COL25A1: variants seen among roughly 807,000 people sequenced by gnomAD.
COL25A1 encodes collagen type XXV alpha 1 chain.
In COL25A1, 103 loss-of-function variants were observed where a neutral mutation model predicts 128.4. That is an observed-to-expected ratio of 0.80 (90% CI 0.68 to 0.94). COL25A1 has a LOEUF of 0.94. Ranked by LOEUF, COL25A1 falls within the 40% of genes least tolerant of loss-of-function variation. The pLI is 0.00. For missense variants in COL25A1, 745 were observed against 840.0 expected (o/e 0.89, Z 1.40); for synonymous variants, 279 against 277.2 (o/e 1.01, Z -0.06).
intron 3 of COL25A1, among the ~76,000 whole-genome samples, chr4:109,246,739 T>A (rs532183487): frequency 2.0e-5 from 3 of 152,176 alleles, no homozygotes; most frequent in Non-Finnish European, 4.4e-5. Flanking sequence ...TGTGTTAAAC[T>A]TCTTCATTAA....
chr4:109,292,610 T>A (rs6811192), intron 3 of COL25A1, among the ~76,000 whole-genome samples: 117 of 151,888 alleles, frequency 7.7e-4, no homozygotes, highest in African/African-American at 2.8e-3. Flanking sequence ...AGACCGCTTA[T>A]CTGGGAAGAG....
At position 109,301,843 on chromosome 4, in the gene COL25A1, G is replaced by C; in HGVS notation, c.177C>G (p.Leu59=). 1 of 1,614,244 alleles carries C rather than the reference G, an allele frequency of 6.2e-7. No homozygotes were observed. The highest frequency in any genetic ancestry group is 8.5e-7 in the Non-Finnish European group (1 of 1,180,050). ...CLYLGVKTND[L]QARIAALESA... ...ATTCGAGAGCGGCGATCCTCGCCTG[G>C]AGGTCGTTGGTTTTCACACCCAGGT... is the stretch of plus-strand genomic sequence containing the variant. The change falls in exon 2 of 38, where the codon CTC becomes CTG. Residue 59 remains leucine, a synonymous_variant. Coordinates refer to ENST00000399132, the MANE Select transcript of COL25A1 (RefSeq NM_198721.4).
chr4:108,920,548 A>G (rs756310689), intron 12 of COL25A1, 30 bp downstream of exon 12: 3 of 1,573,416 alleles, frequency 1.9e-6, no homozygotes, highest in African/African-American at 2.7e-5. Context: ...GAGCATAATT[A>G]CTTTCACAAT....
intron 19 of COL25A1, among the ~76,000 whole-genome samples, chr4:108,872,153 G>GA (rs1403591957): frequency 6.6e-6 from 1 of 152,132 alleles, no homozygotes; most frequent in African/African-American, 2.4e-5. Flanking sequence ...GGTGGCTCAT[G>GA]TTTTGTAATC....
chr4:109,289,449 A>T (rs1174071826), intron 3 of COL25A1, among the ~76,000 whole-genome samples: 1 of 152,156 alleles, frequency 6.6e-6, no homozygotes, highest in Non-Finnish European at 1.5e-5. Context: ...TTTATATTTT[A>T]ACAGTAATTT....
At chr4:108,856,015 C>T (rs1308740900) in intron 24 of COL25A1, among the ~76,000 whole-genome samples, 3 of 152,144 alleles carry the variant, frequency 2.0e-5, no homozygotes, top group Admixed American at 6.6e-5. Flanking sequence ...TCTAGTGAGA[C>T]GCGACGTGAA....
At chr4:108,835,785 T>C (rs1374066426) in intron 31 of COL25A1, among the ~76,000 whole-genome samples, 1 of 149,708 alleles carries the variant, frequency 6.7e-6, no homozygotes, top group Non-Finnish European at 1.5e-5. Context: ...ACTCCTGATC[T>C]CCACTGATCA....
chr4:109,293,368 A>T lies in COL25A1; in HGVS notation c.367+7215T>A, dbSNP rs185532316. 6.4e-4 allele frequency among the ~76,000 whole-genome samples: 97 copies of T among 151,938 alleles called. 1 individual carries two copies. The highest frequency in any genetic ancestry group is 2.1e-3 in the African/African-American group (86 of 41,430). On this transcript the variant is annotated intron_variant, in intron 3 of 37. Transcript: ENST00000399132. ...AGGGGGCTTTTTCCTCCCCTCTTTTACTCTCCTTACACGTGAACTCTTTGG... is the reference window on the plus strand; with the variant it reads ...AGGGGGCTTTTTCCTCCCCTCTTTTTCTCTCCTTACACGTGAACTCTTTGG...
intron 11 of COL25A1, among the ~76,000 whole-genome samples, chr4:108,928,475 C>G (rs995378130): frequency 4.6e-5 from 7 of 152,060 alleles, no homozygotes; most frequent in African/African-American, 1.7e-4. Flanking sequence ...GTGGCCAGTA[C>G]AATATTTAGA....
At chr4:108,881,846 C>T (rs531268060) in intron 19 of COL25A1, among the ~76,000 whole-genome samples, 3 of 152,174 alleles carry the variant, frequency 2.0e-5, no homozygotes, top group African/African-American at 7.2e-5. Context: ...TTAGAGAAGA[C>T]AAAGCTTATT....
chr4:109,268,533 C>A (rs1446751094), intron 3 of COL25A1, among the ~76,000 whole-genome samples: 2 of 152,102 alleles, frequency 1.3e-5, no homozygotes, highest in East Asian at 3.9e-4. Context: ...CCTTTCTGTT[C>A]CTGTACAATG....
intron 3 of COL25A1, among the ~76,000 whole-genome samples, chr4:109,196,838 T>C (rs1471962071): frequency 6.6e-6 from 1 of 152,174 alleles, no homozygotes; most frequent in Non-Finnish European, 1.5e-5. Flanking sequence ...TACTGAAAGG[T>C]ATCAGAATTA....
In COL25A1 at chr4:108,896,829, C is replaced by T. The variant is rs192918240; in HGVS notation, c.862-118G>A. 5.4e-4 allele frequency: 446 copies of T among 830,102 alleles called. No individual in the cohort carries two copies. The African/African-American group carries it at 6.0e-3, about 11-fold the overall frequency. 51.4% of individuals were successfully genotyped at this position (830,102 alleles called of 1,614,324 possible). On this transcript the variant is annotated intron_variant, in intron 15 of 37. Coordinates refer to ENST00000399132, the MANE Select transcript of COL25A1 (RefSeq NM_198721.4). The stretch of plus-strand genomic sequence containing the variant: ...TACATATTAAAATCTGTTGCAAATG[C>T]TCTATAGAGCTAATGTATTTATACT...
intron 5 of COL25A1, among the ~76,000 whole-genome samples, chr4:109,038,004 C>T (rs1759520136): frequency 6.6e-6 from 1 of 152,050 alleles, no homozygotes; most frequent in Admixed American, 6.5e-5. Flanking sequence ...GAAGGAATTA[C>T]AGAGAGAGGA....
At chr4:108,916,690 A>G (rs1744913141) in intron 13 of COL25A1, among the ~76,000 whole-genome samples, 2 of 152,214 alleles carry the variant, frequency 1.3e-5, no homozygotes, top group Non-Finnish European at 2.9e-5. Context: ...GAATGAATAC[A>G]CTTTTAAATT....
At chr4:109,108,877 G>A (rs116777545) in intron 3 of COL25A1, among the ~76,000 whole-genome samples, 1,836 of 152,054 alleles carry the variant, frequency 0.012, 36 homozygotes, top group African/African-American at 0.042. Flanking sequence ...CATGCACTTG[G>A]AAACCAAAAC....
chr4:109,010,399 A>G, intron 5 of COL25A1, 24 bp from the exon 6 acceptor site: 1 of 1,538,654 alleles, frequency 6.5e-7, no homozygotes, highest in Non-Finnish European at 8.8e-7. Context: ...GAAAAAGAAA[A>G]ACAATTACAA....
At chr4:109,270,342 T>C (rs1431752250) in intron 3 of COL25A1, among the ~76,000 whole-genome samples, 1 of 152,180 alleles carries the variant, frequency 6.6e-6, no homozygotes, top group Admixed American at 6.5e-5. Flanking sequence ...GCCCAAAATC[T>C]CCTTAAGCTG....
chr4:109,292,532 A>G (rs1724571958), intron 3 of COL25A1, among the ~76,000 whole-genome samples: 1 of 152,078 alleles, frequency 6.6e-6, no homozygotes, highest in African/African-American at 2.4e-5. Context: ...CCCTAGAGAT[A>G]CATAGATACA....
Sources: gnomAD v4.1 joint callset for allele counts (sites outside exome capture counted in the v4.1 genomes callset) on GRCh38, gnomAD v4.1.1 for gene constraint, MANE v1.5 for transcripts, NCBI Gene and HGNC (gene_info 2026-07-23, HGNC 2026-07-21) for gene names.